The following LIMA1 variants were observed in gnomAD, a reference collection of about 807,000 sequenced individuals.
LIMA1 encodes the protein LIM domain and actin binding 1, also known as LIM domain and actin-binding protein 1.
A neutral mutation model predicts 62.6 loss-of-function variants in LIMA1; 52 were observed. The observed-to-expected ratio is 0.83, with a 90% confidence interval of 0.67 to 1.05. The LOEUF (loss-of-function observed/expected upper bound fraction) is 1.05. Among genes scored for constraint, LIMA1 ranks in the 50% least tolerant of loss-of-function variants. LIMA1 has a pLI of 0.00. For synonymous variants in LIMA1, 302 were observed against 317.8 expected (o/e 0.95, Z 0.53); for missense variants, 780 against 902.2 (o/e 0.86, Z 1.74).
intron 9 of LIMA1, among the ~76,000 whole-genome samples, chr12:50,190,781 AC>A (rs1324970850): frequency 1.4e-5 from 2 of 141,846 alleles, no homozygotes; most frequent in African/African-American, 5.2e-5. Context: ...AATGTTAATG[AC>A]ATTGTTGTAA....
chr12:50,178,216 C>A (rs1940399733), intron 10 of LIMA1, 147 bp from the exon 11 acceptor site: 9 of 586,632 alleles, frequency 1.5e-5, no homozygotes, highest in Non-Finnish European at 2.4e-5. Flanking sequence ...CCAGGAATTC[C>A]TTACCCCCAT....
Position 50,197,166 on chromosome 12 carries a change from G to T in LIMA1, c.973-1279C>A, listed in dbSNP as rs1028893758. Among the ~76,000 whole-genome samples the T allele has an allele frequency of 7.3e-5, 11 of 151,614 alleles. No homozygotes were observed. In the East Asian group the frequency reaches 1.7e-3, roughly 24 times the overall value. On this transcript the variant is annotated intron_variant, in intron 7 of 10. Transcript: ENST00000341247. ...GCTCACTGCAACCTCTGCCTCCTGG[G>T]TTTAAGTGATTCTCCTGCCTCAGCC...
At position 50,177,674 on chromosome 12, in the gene LIMA1, G is replaced by A. The variant is rs755287834; in HGVS notation, c.1670C>T (p.Pro557Leu). 1 of 1,608,602 alleles carries A rather than the reference G, an allele frequency of 6.2e-7. No individual in the cohort carries two copies. The highest frequency in any genetic ancestry group is 2.2e-5 in the East Asian group (1 of 44,836). ...GGGCTTGCTGATTTCGTCTTCAGGA[G>A]GCCATTTGGGCTTTGACATTTTGAT... The part of the protein sequence containing the change: ...EGIKMSKPKW[P>L]PEDEISKPEV... Residue 557 changes from proline (P) to leucine (L), a missense_variant, in exon 11 of 11, where the codon CCT (proline) becomes CTT (leucine). Coordinates refer to ENST00000341247, the MANE Select transcript of LIMA1 (RefSeq NM_016357.5).
chr12:50,185,559 A>C, intron 9 of LIMA1: 1 of 436,816 alleles, frequency 2.3e-6, no homozygotes, highest in Non-Finnish European at 4.6e-6. Flanking sequence ...GAATAAGACC[A>C]CATTTTTCTT....
intron 4 of LIMA1, among the ~76,000 whole-genome samples, chr12:50,216,084 T>C (rs753862712): frequency 2.6e-4 from 39 of 150,946 alleles, no homozygotes; most frequent in Non-Finnish European, 2.8e-4. Context: ...ACATGGGTCA[T>C]AACTAGTTGG....
intron 10 of LIMA1, among the ~76,000 whole-genome samples, chr12:50,180,928 T>C (rs984253099): frequency 6.6e-6 from 1 of 151,638 alleles, no homozygotes; most frequent in African/African-American, 2.4e-5. Flanking sequence ...CTGGCTAACA[T>C]GGTGAAACCC....
intron 8 of LIMA1, among the ~76,000 whole-genome samples, chr12:50,194,962 C>A (rs1221869705): frequency 6.6e-6 from 1 of 151,996 alleles, no homozygotes; most frequent in African/African-American, 2.4e-5. Flanking sequence ...ACAGGAGAAT[C>A]GCTTGAACCT....
chr12:50,218,623 AG>A (rs1941389604), intron 4 of LIMA1, among the ~76,000 whole-genome samples: 1 of 152,166 alleles, frequency 6.6e-6, no homozygotes, highest in Admixed American at 6.5e-5. Context: ...TAAGAATTTC[AG>A]GCTGGGTGTG....
intron 8 of LIMA1, among the ~76,000 whole-genome samples, chr12:50,193,548 T>C (rs1592504783): frequency 7.5e-6 from 1 of 133,636 alleles, no homozygotes; most frequent in Non-Finnish European, 1.5e-5. Context: ...TATATATACA[T>C]ATATATCATA....
At chr12:50,234,839 C>A (rs1349681353) in intron 2 of LIMA1, among the ~76,000 whole-genome samples, 2 of 152,098 alleles carry the variant, frequency 1.3e-5, no homozygotes, top group African/African-American at 2.4e-5. Flanking sequence ...CACAGTAAAA[C>A]CCTGTCTCTA....
At chr12:50,273,745 T>C (rs1198151512) in intron 1 of LIMA1, among the ~76,000 whole-genome samples, 1 of 152,176 alleles carries the variant, frequency 6.6e-6, no homozygotes, top group Non-Finnish European at 1.5e-5. Flanking sequence ...TCAGAGCATG[T>C]GTTAATAGTA....
At chr12:50,281,817 AAAAAC>A (rs1267592020) in intron 1 of LIMA1, among the ~76,000 whole-genome samples, 4 of 152,346 alleles carry the variant, frequency 2.6e-5, no homozygotes, top group African/African-American at 7.2e-5. Flanking sequence ...GAGAGAATTA[AAAAAC>A]AAAACAAAAC....
chr12:50,183,095 G>A (rs376645596), intron 9 of LIMA1, among the ~76,000 whole-genome samples: 7 of 152,142 alleles, frequency 4.6e-5, no homozygotes, highest in Admixed American at 2.0e-4. Flanking sequence ...CCAGTTACTC[G>A]GGAGGCTGAG....
At chr12:50,247,423 TGTGTAG>T (rs1353702590) in intron 2 of LIMA1, among the ~76,000 whole-genome samples, 4 of 151,778 alleles carry the variant, frequency 2.6e-5, no homozygotes, top group Non-Finnish European at 4.4e-5. Context: ...GGAATGGCCA[TGTGTAG>T]GTGTTCCTAC....
At chr12:50,241,230 T>C (rs544869552) in intron 2 of LIMA1, among the ~76,000 whole-genome samples, 193 of 152,336 alleles carry the variant, frequency 1.3e-3, no homozygotes, top group Non-Finnish European at 1.8e-3. Flanking sequence ...AAAGTGAGAA[T>C]TCAGGGATAC....
chr12:50,232,372 TC>T (rs1941624627), intron 2 of LIMA1, among the ~76,000 whole-genome samples: 3 of 150,718 alleles, frequency 2.0e-5, no homozygotes, highest in Admixed American at 1.3e-4. Flanking sequence ...CTTTCTTTTT[TC>T]TTTTTTTTTT....
chr12:50,248,698 T>C lies in LIMA1; in HGVS notation c.54A>G (p.Val18=), dbSNP rs764670859. The part of the protein sequence containing the change: ...RRQWTSLSLR[V]TAKELSLVNK... ...TGACAAGAGAAAGTTCTTTGGCTGT[T>C]ACCCTCAATGATAGTGAGGTCCATT... is the stretch of plus-strand genomic sequence containing the variant. Residue 18 remains valine, a synonymous_variant, in exon 2 of 11, where the codon GTA becomes GTG. Transcript: ENST00000341247. 3 of 1,613,762 alleles carry C rather than the reference T, an allele frequency of 1.9e-6. No homozygotes were observed. Among genetic ancestry groups the C allele is most frequent in the Admixed American group, 3.3e-5 (2 of 60,008 alleles).
At chr12:50,234,372 C>G in intron 2 of LIMA1, among the ~76,000 whole-genome samples, 1 of 152,008 alleles carries the variant, frequency 6.6e-6, no homozygotes, top group East Asian at 1.9e-4. Context: ...CCACACCTGG[C>G]TAATTTTTGC....
intron 5 of LIMA1, 34 bp from the exon 6 acceptor site, chr12:50,204,734 T>C: frequency 6.2e-7 from 1 of 1,606,942 alleles, no homozygotes; most frequent in South Asian, 1.1e-5. Flanking sequence ...TTTATTTTAT[T>C]TCTGAGATGG....
Sources: gnomAD v4.1 joint callset for allele counts (sites outside exome capture counted in the v4.1 genomes callset) on GRCh38, gnomAD v4.1.1 for gene constraint, MANE v1.5 for transcripts, NCBI Gene and HGNC (gene_info 2026-07-23, HGNC 2026-07-21) for gene names.